The following DDX21 variants were observed in gnomAD, a reference collection of about 807,000 sequenced individuals.
DDX21 encodes DExD-box helicase 21.
Under a neutral mutation model 90.0 loss-of-function variants are expected in DDX21, and 18 were observed. The observed-to-expected ratio is 0.20, with a 90% CI of 0.14 to 0.30. The LOEUF is 0.30. DDX21 is among the 10% of genes least tolerant of loss of function. The pLI is 1.00. For missense variants in DDX21, 673 were observed against 944.5 expected (o/e 0.71, Z 3.77); for synonymous variants, 294 against 318.0 (o/e 0.92, Z 0.80).
chr10:68,979,050 C>T (rs900004680), intron 13 of DDX21, 74 bp downstream of exon 13: 8 of 1,585,500 alleles, frequency 5.0e-6, no homozygotes, highest in Non-Finnish European at 6.9e-6. Flanking sequence ...GTGGGTTCTT[C>T]CTGTTCTGTG....
At position 68,982,745 on chromosome 10, in the gene DDX21, G is replaced by A. The variant is rs879479507; in HGVS notation, c.2285G>A (p.Gly762Asp). 33 of 1,613,990 alleles carry A rather than the reference G, an allele frequency of 2.0e-5. No homozygotes were observed. Among genetic ancestry groups the A allele is most frequent in the Non-Finnish European group, 2.7e-5 (32 of 1,180,034 alleles). ...RGPRGQRSGG[G>D]NKSNRSQNKG... ...CCGAGAGGACAGCGATCAGGAGGTG[G>A]CAACAAAAGTAACAGATCCCAAAAC... The change falls in exon 15 of 15, where the codon GGC becomes GAC. Residue 762 changes from glycine (G) to aspartate (D), a missense_variant. By Grantham distance (94) the Gly-to-Asp change is moderately conservative (BLOSUM62 -1). Coordinates refer to ENST00000354185, the MANE Select transcript of DDX21 (RefSeq NM_004728.4).
At position 68,962,097 on chromosome 10, in the gene DDX21, C is replaced by G. The variant is rs781273052; in HGVS notation, c.547C>G (p.Gln183Glu). ...SEIEQEIPVE[Q>E]KEGAFSNFPI... The stretch of plus-strand genomic sequence containing the variant: ...TACTTGATAGGAAATACCTGTGGAA[C>G]AAAAAGAAGGCGCTTTCTCTAATTT... The change falls in exon 3 of 15, where the codon CAA (glutamine) becomes GAA (glutamate). Residue 183 changes from glutamine to glutamate, a missense_variant. By Grantham distance (29) the Gln-to-Glu change is conservative. This residue lies in a region of DDX21 where 204 missense variants were observed against 221.6 expected (regional missense o/e 0.92). Transcript: ENST00000354185. The G allele has an allele frequency of 1.2e-6, 2 of 1,612,072 alleles. No homozygotes were observed. Among genetic ancestry groups the G allele is most frequent in the African/African-American group, 2.7e-5 (2 of 74,920 alleles).
In DDX21 at chr10:68,982,717, G is replaced by C. The variant is rs1280110873; in HGVS notation, c.2257G>C (p.Gly753Arg). 1 of 1,614,082 alleles carries C rather than the reference G, an allele frequency of 6.2e-7. No homozygotes were observed. Among genetic ancestry groups the C allele is most frequent in the South Asian group, 1.1e-5 (1 of 91,078 alleles). ...CAGAGGACAGCGGGAAGGCAGTAGA[G>C]GCCCGAGAGGACAGCGATCAGGAGG... Reference protein sequence around the residue: ...RFRGQREGSRGPRGQRSGGGN... With the variant: ...RFRGQREGSRRPRGQRSGGGN... The change falls in exon 15 of 15, where the codon GGC becomes CGC. Residue 753 changes from glycine (G) to arginine (R), a missense_variant. By Grantham distance (125) the Gly-to-Arg change is moderately radical. Around this residue, in one of 4 missense-constraint regions of DDX21, gnomAD observed 225 missense variants for 298.8 expected, o/e 0.75. Transcript: ENST00000354185.
In DDX21 at chr10:68,977,570, A is replaced by G. The variant is rs868785299; in HGVS notation, c.1784A>G (p.Lys595Arg). 17 of 1,613,186 alleles carry G rather than the reference A, an allele frequency of 1.1e-5. No individual in the cohort carries two copies. The highest frequency in any genetic ancestry group is 5.3e-5 in the African/African-American group (4 of 74,894). Residue 595 changes from lysine to arginine, a missense_variant, in exon 12 of 15, where the codon AAA (lysine) becomes AGA (arginine). Physicochemically the swap from Lys to Arg is conservative, Grantham distance 26. This residue lies in a region of DDX21 where 225 missense variants were observed against 298.8 expected (regional missense o/e 0.75). Coordinates refer to ENST00000354185, the MANE Select transcript of DDX21 (RefSeq NM_004728.4). ...CCTCCCACTGCCATTAGTCACTTCAAACAATCAGCTGAGAAGCTGATAGAG... is the reference window on the plus strand; with the variant it reads ...CCTCCCACTGCCATTAGTCACTTCAGACAATCAGCTGAGAAGCTGATAGAG... ...SVPPTAISHF[K>R]QSAEKLIEEK...
intron 14 of DDX21, among the ~76,000 whole-genome samples, chr10:68,982,031 C>T (rs1331819181): frequency 6.6e-6 from 1 of 152,090 alleles, no homozygotes; most frequent in Non-Finnish European, 1.5e-5. Context: ...ATCACTACCC[C>T]CAGCTAATTT....
At position 68,973,493 on chromosome 10, in the gene DDX21, T is replaced by C; in HGVS notation, c.1549-52T>C. 7.5e-6 allele frequency: 12 copies of C among 1,610,050 alleles called. No homozygotes were observed. In the South Asian group the frequency reaches 1.3e-4, roughly 18 times the overall value. ...CACTGACCTGCATAGGCTACTCAGG[T>C]GTTTGTCTCTCTTTTTTGGTTTAGT... is the stretch of plus-strand genomic sequence containing the variant. On this transcript the variant is annotated intron_variant, in intron 9 of 14. Transcript: ENST00000354185.
chr10:68,970,565 C>T (rs1306308500), intron 8 of DDX21, among the ~76,000 whole-genome samples: 1 of 150,658 alleles, frequency 6.6e-6, no homozygotes, highest in Non-Finnish European at 1.5e-5. Flanking sequence ...TCTGGGCTCT[C>T]TGCCTCCTGA....
Position 68,956,176 on chromosome 10 carries a change from C to A in DDX21, c.-50C>A. 6.3e-7 allele frequency: 1 copy of A among 1,591,104 alleles called. No homozygotes were observed. The highest frequency in any genetic ancestry group is 8.6e-7 in the Non-Finnish European group (1 of 1,162,356). ...ACCCAGGGTGGGGAACTACCTCTTC[C>A]TCTCCACGCGGTTGAGAAGACCGGT... is the stretch of plus-strand genomic sequence containing the variant. On this transcript the variant is annotated 5_prime_UTR_variant, in exon 1 of 15. Transcript: ENST00000354185.
rs1842791325 is a variant in DDX21, at chr10:68,956,249, C to T, written c.24C>T (p.Asp8=). ...AGATGCCGGGAAAACTCCGTAGTGACGCTGGTTTGGAATCAGACACCGCAA... is the reference window on the plus strand; with the variant it reads ...AGATGCCGGGAAAACTCCGTAGTGATGCTGGTTTGGAATCAGACACCGCAA... The part of the protein sequence containing the change: MPGKLRS[D]AGLESDTAMK... Residue 8 remains aspartate (D), a synonymous_variant, in exon 1 of 15, where the codon GAC becomes GAT. Coordinates refer to ENST00000354185, the MANE Select transcript of DDX21 (RefSeq NM_004728.4). 4 of 1,613,992 alleles carry T rather than the reference C, an allele frequency of 2.5e-6. No individual in the cohort carries two copies. The African/African-American group carries it at 4.0e-5, about 16-fold the overall frequency.
intron 1 of DDX21, 124 bp from the exon 2 acceptor site, chr10:68,959,682 A>C (rs1345955591): frequency 5.3e-6 from 4 of 759,268 alleles, no homozygotes; most frequent in Non-Finnish European, 7.8e-6. Context: ...ACAAATGTCG[A>C]AATGCCCCAA....
chr10:68,966,034 C>T (rs1377944510), intron 5 of DDX21, among the ~76,000 whole-genome samples: 2 of 151,470 alleles, frequency 1.3e-5, no homozygotes, highest in Non-Finnish European at 2.9e-5. Flanking sequence ...CAGTGGCTCA[C>T]GCCTGTAATC....
intron 4 of DDX21, 62 bp downstream of exon 4, chr10:68,963,531 T>G: frequency 6.9e-7 from 1 of 1,458,246 alleles, no homozygotes; most frequent in Non-Finnish European, 9.2e-7. Context: ...TTGGGCATTG[T>G]GTACATACCC....
rs141752628 is a variant in DDX21 at position 68,981,851 on chromosome 10, TTG to T, written c.2082+291_2082+292del. 5.1e-3 allele frequency among the ~76,000 whole-genome samples: 764 copies of T among 148,676 alleles called. 5 individuals carry two copies. The highest frequency in any genetic ancestry group is 0.012 in the African/African-American group (477 of 40,636). Reference sequence around the variant, plus strand: ...AACACTTATATATGGTATATAGATTTTGTGTGTGTGTGTGTGTGTGTGCATGT... The same window carrying T: ...AACACTTATATATGGTATATAGATTTTGTGTGTGTGTGTGTGTGTGCATGT... On this transcript the variant is annotated intron_variant, in intron 14 of 14. Transcript: ENST00000354185.
chr10:68,958,258 G>A (rs1842826809), intron 1 of DDX21, among the ~76,000 whole-genome samples: 1 of 151,820 alleles, frequency 6.6e-6, no homozygotes, highest in Admixed American at 6.6e-5. Context: ...ACAGGTGTGA[G>A]CCACTGCATC....
intron 2 of DDX21, among the ~76,000 whole-genome samples, chr10:68,961,129 C>T (rs910003784): frequency 2.6e-5 from 4 of 152,042 alleles, no homozygotes; most frequent in Non-Finnish European, 2.9e-5. Context: ...GACATGGGAT[C>T]TCGCTGTGTG....
At position 68,956,230 on chromosome 10, in the gene DDX21, C is replaced by T. The variant is rs909116209; in HGVS notation, c.5C>T (p.Pro2Leu). The change falls in exon 1 of 15, where the codon CCG becomes CTG. Residue 2 changes from proline to leucine, a missense_variant. Pro to Leu is a moderately conservative substitution (Grantham distance 98). This residue lies in a region of DDX21 where 204 missense variants were observed against 221.6 expected (regional missense o/e 0.92). Coordinates refer to ENST00000354185, the MANE Select transcript of DDX21 (RefSeq NM_004728.4). M[P>L]GKLRSDAGLE... is the part of the protein sequence containing the mutation. Reference sequence around the variant, plus strand: ...CCTGGGCAACCTGCGCTGAAGATGCCGGGAAAACTCCGTAGTGACGCTGGT... The same window carrying T: ...CCTGGGCAACCTGCGCTGAAGATGCTGGGAAAACTCCGTAGTGACGCTGGT... 9 of 1,613,970 alleles carry T rather than the reference C, an allele frequency of 5.6e-6. No homozygotes were observed. The highest frequency in any genetic ancestry group is 2.7e-5 in the African/African-American group (2 of 75,024).
intron 1 of DDX21, among the ~76,000 whole-genome samples, chr10:68,958,073 TGTGA>T (rs1270525954): frequency 6.6e-6 from 1 of 152,224 alleles, no homozygotes; most frequent in East Asian, 1.9e-4. Context: ...AGTGATAGAC[TGTGA>T]GTTTTTATAA....
At chr10:68,974,639 G>T in intron 10 of DDX21, 31 bp from the exon 11 acceptor site, 5 of 1,592,820 alleles carry the variant, frequency 3.1e-6, no homozygotes, top group Non-Finnish European at 4.3e-6. Flanking sequence ...GATGGCCACT[G>T]TACATTAAAC....
chr10:68,964,661 CT>C (rs370442851), intron 4 of DDX21, among the ~76,000 whole-genome samples: 8,172 of 99,920 alleles, frequency 0.082, 277 homozygotes, highest in Middle Eastern at 0.15. Flanking sequence ...TGCACCTGGA[CT>C]TTTTTTTTTT....
Sources: gnomAD v4.1 joint callset for allele counts (sites outside exome capture counted in the v4.1 genomes callset) on GRCh38, gnomAD v4.1.1 for gene constraint, gnomAD v4.1.1 regional missense constraint, MANE v1.5 for transcripts, NCBI Gene and HGNC (gene_info 2026-07-23, HGNC 2026-07-21) for gene names.